Variants in SCN11A observed in about 807,000 individuals in gnomAD.
SCN11A encodes sodium channel protein type 11 subunit alpha.
A neutral mutation model predicts 162.2 loss-of-function variants in SCN11A; 122 were observed. That is an observed-to-expected ratio of 0.75 (90% confidence interval 0.65 to 0.87). SCN11A has a LOEUF of 0.87. Ranked by LOEUF, SCN11A falls within the 40% of genes least tolerant of loss-of-function variation. SCN11A has a pLI of 0.00. For missense variants in SCN11A, 2,015 were observed against 2,181.6 expected (o/e 0.92, Z 1.52); for synonymous variants, 758 against 751.5 (o/e 1.01, Z -0.14).
chr3:38,977,335 G>T (rs1276324675), intron 2 of SCN11A, among the ~76,000 whole-genome samples: 3 of 152,172 alleles, frequency 2.0e-5, no homozygotes, highest in African/African-American at 7.2e-5. Flanking sequence ...GACCAGGGCT[G>T]CTCAGAAGAC....
chr3:39,025,422 C>A (rs377572768), intron 2 of SCN11A, among the ~76,000 whole-genome samples: 2 of 152,136 alleles, frequency 1.3e-5, no homozygotes, highest in Non-Finnish European at 2.9e-5. Context: ...CAGCACAGGA[C>A]GCGCAGCTGG....
At chr3:39,008,091 G>C (rs2031026043) in intron 2 of SCN11A, among the ~76,000 whole-genome samples, 1 of 152,172 alleles carries the variant, frequency 6.6e-6, no homozygotes, top group Admixed American at 6.5e-5. Context: ...GAAGTGTTTT[G>C]AATAGAGGCA....
intron 16 of SCN11A, 48 bp downstream of exon 16, chr3:38,903,814 ATAC>A: frequency 1.5e-6 from 2 of 1,351,564 alleles, no homozygotes; most frequent in Non-Finnish European, 2.0e-6. Context: ...TGAAAAAGTT[ATAC>A]TTTAAAGTAT....
intron 11 of SCN11A, among the ~76,000 whole-genome samples, chr3:38,914,939 C>CT (rs926680139): frequency 4.6e-5 from 7 of 151,960 alleles, no homozygotes; most frequent in African/African-American, 1.7e-4. Context: ...CTAAAGTTTT[C>CT]TTTTTTTGTG....
At chr3:38,911,257 A>G (rs569684564) in intron 11 of SCN11A, among the ~76,000 whole-genome samples, 1 of 152,118 alleles carries the variant, frequency 6.6e-6, no homozygotes, top group Non-Finnish European at 1.5e-5. Context: ...ATATGAATAT[A>G]TATTTATTCC....
intron 2 of SCN11A, among the ~76,000 whole-genome samples, chr3:38,988,845 C>G (rs1305705559): frequency 6.6e-6 from 1 of 152,216 alleles, no homozygotes; most frequent in African/African-American, 2.4e-5. Context: ...ATTCCAGCAC[C>G]TGCTGACTCC....
chr3:38,903,817 CTTTAA>C (rs1274656300), intron 16 of SCN11A, 43 bp downstream of exon 16: 2 of 1,348,928 alleles, frequency 1.5e-6, no homozygotes, highest in African/African-American at 4.9e-5. Context: ...AAAAGTTATA[CTTTAA>C]AGTATGAAAT....
chr3:39,047,571 A>T (rs986619435), intron 1 of SCN11A, among the ~76,000 whole-genome samples: 1 of 152,168 alleles, frequency 6.6e-6, no homozygotes, highest in Admixed American at 6.5e-5. Flanking sequence ...AAAGGAAACA[A>T]TCAATAGAGG....
intron 2 of SCN11A, among the ~76,000 whole-genome samples, chr3:38,986,008 C>T (rs1471495131): frequency 2.0e-5 from 3 of 151,020 alleles, no homozygotes; most frequent in African/African-American, 7.4e-5. Context: ...TTCTCCCTAC[C>T]GGGACCTTTC....
intron 28 of SCN11A, among the ~76,000 whole-genome samples, chr3:38,856,511 G>T (rs530342116): frequency 3.5e-4 from 54 of 152,270 alleles, no homozygotes; most frequent in South Asian, 6.2e-4. Context: ...GAGGAGCTGA[G>T]GTAGCTTCTA....
intron 2 of SCN11A, among the ~76,000 whole-genome samples, chr3:39,016,601 A>T (rs2031295834): frequency 6.6e-6 from 1 of 151,856 alleles, no homozygotes; most frequent in African/African-American, 2.4e-5. Context: ...TATTTACTTA[A>T]CTTTATTTAT....
chr3:38,893,009 T>A (rs1360006646), intron 19 of SCN11A, among the ~76,000 whole-genome samples: 1 of 151,856 alleles, frequency 6.6e-6, no homozygotes, highest in African/African-American at 2.4e-5. Context: ...GTAAATAAAC[T>A]GAATTAACAA....
At chr3:38,849,929 A>G (rs1252404286) in intron 29 of SCN11A, 4 of 152,562 alleles carry the variant, frequency 2.6e-5, no homozygotes, top group African/African-American at 7.2e-5. Flanking sequence ...TATAGAATAG[A>G]AAAAAAGCTT....
intron 2 of SCN11A, among the ~76,000 whole-genome samples, chr3:38,988,293 G>C (rs2125593257): frequency 6.6e-6 from 1 of 152,116 alleles, no homozygotes; most frequent in African/African-American, 2.4e-5. Context: ...GGGCTCTGAA[G>C]GAGAAATACT....
At chr3:38,928,941 T>C (rs1015561793) in intron 7 of SCN11A, among the ~76,000 whole-genome samples, 1 of 152,116 alleles carries the variant, frequency 6.6e-6, no homozygotes, top group Non-Finnish European at 1.5e-5. Context: ...TAGGTATATG[T>C]ATAAAAGAAT....
chr3:38,951,983 T>C (rs893478430), intron 4 of SCN11A, among the ~76,000 whole-genome samples: 8 of 152,096 alleles, frequency 5.3e-5, no homozygotes, highest in Non-Finnish European at 8.8e-5. Context: ...GGAAGCTTTG[T>C]TCTTTTGCTC....
chr3:38,948,812 G>A (rs1247580904), intron 5 of SCN11A, among the ~76,000 whole-genome samples: 1 of 152,206 alleles, frequency 6.6e-6, no homozygotes, highest in East Asian at 1.9e-4. Context: ...ACTGCTGCCT[G>A]ACTCATGCGT....
chr3:39,025,924 C>A (rs183214687), intron 2 of SCN11A: 1 of 152,046 alleles, frequency 6.6e-6, no homozygotes, highest in Admixed American at 6.5e-5. Context: ...TTCTTTTATA[C>A]CTAATGCACT....
chr3:39,017,333 A>G (rs1362167193), intron 2 of SCN11A, among the ~76,000 whole-genome samples: 3 of 150,306 alleles, frequency 2.0e-5, no homozygotes, highest in Non-Finnish European at 3.0e-5. Flanking sequence ...GTCTATGGTA[A>G]TTTGTTACAG....
Sources: gnomAD v4.1 joint callset for allele counts (sites outside exome capture counted in the v4.1 genomes callset) on GRCh38, gnomAD v4.1.1 for gene constraint, MANE v1.5 for transcripts, NCBI Gene and HGNC (gene_info 2026-07-23, HGNC 2026-07-21) for gene names.